Variants in ZNF787 observed in about 807,000 individuals in gnomAD.
The protein encoded by ZNF787 is TTF-I-interacting peptide 20.
A neutral mutation model predicts 16.9 loss-of-function variants in ZNF787; 7 were observed. That is an observed-to-expected ratio of 0.42 (90% CI 0.24 to 0.78). The LOEUF is 0.78. Ranked by LOEUF, ZNF787 falls within the 30% of genes least tolerant of loss-of-function variation. The pLI is 0.30. For missense variants in ZNF787, 551 were observed against 589.3 expected, an observed-to-expected ratio of 0.94 and a Z score of 0.67; for synonymous variants, 345 against 270.9, an observed-to-expected ratio of 1.27 and a Z score of -2.69.
At position 56,089,218 on chromosome 19, in the gene ZNF787, A is replaced by T. The variant is rs368907577; in HGVS notation, c.80-126T>A. ...GCAGGACCTGCCCTGGTGTCCTCAG[A>T]GTGTGCATCACTCCCTGCATTTTAC... is the stretch of plus-strand genomic sequence containing the variant. On this transcript the variant is annotated intron_variant, in intron 2 of 2. Transcript: ENST00000610935. The T allele has an allele frequency of 1.9e-4, 108 of 571,352 alleles. No homozygotes were observed. The East Asian group carries it at 2.6e-3, about 14-fold the overall frequency. The allele number at this position is 571,352 out of a possible 1,614,324, so 35.4% of individuals were successfully genotyped here.
chr19:56,091,972 A>AAACGG (rs1568523485), intron 2 of ZNF787, among the ~76,000 whole-genome samples: 15 of 111,202 alleles, frequency 1.3e-4, no homozygotes, highest in African/African-American at 4.5e-4. Context: ...AACCGAAGCC[A>AAACGG]AAGCCGAAGG....
intron 2 of ZNF787, among the ~76,000 whole-genome samples, chr19:56,099,355 G>C (rs1429062782): frequency 6.6e-6 from 1 of 152,200 alleles, no homozygotes; most frequent in Non-Finnish European, 1.5e-5. Context: ...CAGGGGAGGG[G>C]ACATGGGGAC....
intron 2 of ZNF787, among the ~76,000 whole-genome samples, chr19:56,097,940 G>A (rs941468642): frequency 3.9e-5 from 6 of 152,002 alleles, no homozygotes; most frequent in Non-Finnish European, 8.8e-5. Context: ...TGGGGGAGAA[G>A]AGGCATGGAG....
chr19:56,109,354 T>C (rs994518819), intron 1 of ZNF787, among the ~76,000 whole-genome samples: 3 of 151,922 alleles, frequency 2.0e-5, no homozygotes, highest in Non-Finnish European at 2.9e-5. Context: ...TAGCCTCCCC[T>C]TTCTTCCTGC....
Position 56,088,427 on chromosome 19 carries a change from G to A in ZNF787, c.745C>T (p.Pro249Ser). The change falls in exon 3 of 3, where the codon CCG (proline) becomes TCG (serine). Residue 249 changes from proline to serine, a missense_variant. Around this residue, in one of 4 missense-constraint regions of ZNF787, gnomAD observed 392 missense variants for 312.7 expected, o/e 1.25. Transcript: ENST00000610935. The surrounding 1 kb of genome is among the most constrained non-coding windows in gnomAD (Gnocchi z 8.6). ...GCCGCGGCCGCGGCCCCCTCGCCCG[G>A]CGCGCCCACCACGATGATGCCCTCG... ...DGEGIIVVGA[P>S]GEGAAAAAAM... is the part of the protein sequence containing the mutation. 8.4e-7 allele frequency: 1 copy of A among 1,185,364 alleles called. No individual in the cohort carries two copies. The highest frequency in any genetic ancestry group is 3.2e-5 in the South Asian group (1 of 31,414). 73.4% of individuals were successfully genotyped at this position (1,185,364 alleles called of 1,614,324 possible).
rs780302160 is a variant in ZNF787, at chr19:56,088,917, C to T, written c.255G>A (p.Gln85=). The T allele has an allele frequency of 6.3e-7, 1 of 1,595,276 alleles. No individual in the cohort carries two copies. The highest frequency in any genetic ancestry group is 1.7e-5 in the Admixed American group (1 of 58,364). ...TGGGCCGCTCGCCGGTGTGCGTGCG[C>T]TGGTGCCGCGTCAGCTTGGACCAGT... ...FSHWSKLTRH[Q]RTHTGERPNA... is the part of the protein sequence containing the mutation. Residue 85 remains glutamine (Q), a synonymous_variant, in exon 3 of 3, where the codon CAG becomes CAA. Transcript: ENST00000610935. The surrounding 1 kb of genome is among the most constrained non-coding windows in gnomAD (Gnocchi z 8.6).
At position 56,099,700 on chromosome 19, in the gene ZNF787, G is replaced by C. The variant is rs1385141441; in HGVS notation, c.79+3439C>G. ...CACTCCAGCCTGGGAGACAGAGTGA[G>C]GCTCCGTCTCAAAAAAAAAAAAAAA... On this transcript the variant is annotated intron_variant, in intron 2 of 2. Transcript: ENST00000610935. Among the ~76,000 whole-genome samples, 8 of 113,624 alleles carry C rather than the reference G, an allele frequency of 7.0e-5. No individual in the cohort carries two copies. The Admixed American group carries it at 7.8e-4, about 11-fold the overall frequency. The allele number at this position is 113,624 out of a possible 152,430, so 74.5% of individuals were successfully genotyped here. A position where few individuals can be genotyped will look rare whatever the true frequency, so the allele number is the denominator to read the frequency against.
chr19:56,112,878 T>TTCC, intron 1 of ZNF787, among the ~76,000 whole-genome samples: 1 of 126,468 alleles, frequency 7.9e-6, no homozygotes, highest in Admixed American at 7.9e-5. Flanking sequence ...GACCAGCCGT[T>TTCC]CCCCCCACCC....
intron 1 of ZNF787, among the ~76,000 whole-genome samples, chr19:56,116,055 G>A (rs1022534866): frequency 4.6e-5 from 7 of 152,068 alleles, no homozygotes; most frequent in Admixed American, 6.5e-5. Flanking sequence ...TTGACAGTGC[G>A]GGGGCTGTGT....
intron 1 of ZNF787, among the ~76,000 whole-genome samples, chr19:56,119,829 T>C (rs2030235275): frequency 6.6e-6 from 1 of 152,220 alleles, no homozygotes; most frequent in African/African-American, 2.4e-5. Flanking sequence ...GGCAGGTGAA[T>C]GTCAGCAGCG....
In ZNF787 at chr19:56,092,693, A is replaced by ATCC. The variant is rs372351134; in HGVS notation, c.80-3604_80-3602dup. ...ACATAGGGGATGACAGAACTGGAAT[A>ATCC]TCCCACAGACGCAGGGGATGGCGGG... On this transcript the variant is annotated intron_variant, in intron 2 of 2. Transcript: ENST00000610935. Among the ~76,000 whole-genome samples the ATCC allele has an allele frequency of 9.6e-4, 146 of 152,338 alleles. 1 individual carries two copies. Among genetic ancestry groups the ATCC allele is most frequent in the African/African-American group, 3.4e-3 (141 of 41,570 alleles).
rs1985440358 is a variant in ZNF787 at position 56,088,539 on chromosome 19, C to G, written c.633G>C (p.Lys211Asn). ...PELSGPGVAA[K>N]VLAASVRRAK... Reference sequence around the variant, plus strand: ...CCCGCCGGACGCTAGCCGCCAGCACCTTGGCCGCCACGCCAGGCCCCGACA... The same window carrying G: ...CCCGCCGGACGCTAGCCGCCAGCACGTTGGCCGCCACGCCAGGCCCCGACA... Residue 211 changes from lysine to asparagine, a missense_variant, in exon 3 of 3, where the codon AAG (lysine) becomes AAC (asparagine). Coordinates refer to ENST00000610935, the MANE Select transcript of ZNF787 (RefSeq NM_001002836.4). The surrounding 1 kb of genome is among the most constrained non-coding windows in gnomAD (Gnocchi z 8.6). The G allele has an allele frequency of 4.8e-6, 7 of 1,457,068 alleles. No individual in the cohort carries two copies. Among genetic ancestry groups the G allele is most frequent in the Non-Finnish European group, 6.3e-6 (7 of 1,114,028 alleles). 90.3% of individuals were successfully genotyped at this position (1,457,068 alleles called of 1,614,324 possible).
At chr19:56,090,945 A>C (rs899675662) in intron 2 of ZNF787, among the ~76,000 whole-genome samples, 5 of 152,230 alleles carry the variant, frequency 3.3e-5, no homozygotes, top group African/African-American at 4.8e-5. Context: ...CAGTGTGAGA[A>C]TCACTATTCC....
chr19:56,094,699 A>G (rs557892833), intron 2 of ZNF787, among the ~76,000 whole-genome samples: 3 of 152,152 alleles, frequency 2.0e-5, no homozygotes, highest in Non-Finnish European at 1.5e-5. Context: ...GCGGCCCCCA[A>G]CCTTTTTGGC....
At position 56,111,131 on chromosome 19, in the gene ZNF787, CAG is replaced by C. The variant is rs772445668; in HGVS notation, c.-10-7906_-10-7905del. Among the ~76,000 whole-genome samples the C allele has an allele frequency of 5.9e-5, 9 of 152,326 alleles. No homozygotes were observed. In the South Asian group the frequency reaches 6.2e-4, roughly 11 times the overall value. On this transcript the variant is annotated intron_variant, in intron 1 of 2. Coordinates refer to ENST00000610935, the MANE Select transcript of ZNF787 (RefSeq NM_001002836.4). ...AAAATGTTTACTATGTGGCCCACTGCAGAGAGTCTGCTGACCCTGATGTAAAT... is the reference window on the plus strand; with the variant it reads ...AAAATGTTTACTATGTGGCCCACTGCAGAGTCTGCTGACCCTGATGTAAAT...
intron 1 of ZNF787, among the ~76,000 whole-genome samples, chr19:56,110,512 G>A (rs2029950297): frequency 1.5e-5 from 1 of 66,152 alleles, no homozygotes; most frequent in Non-Finnish European, 3.5e-5. Flanking sequence ...AGCACTGTAG[G>A]AAAGGTTAAA....
At chr19:56,110,792 C>T (rs2029957435) in intron 1 of ZNF787, among the ~76,000 whole-genome samples, 1 of 152,218 alleles carries the variant, frequency 6.6e-6, no homozygotes, top group Non-Finnish European at 1.5e-5. Context: ...AGAGTCCACC[C>T]TCCACACCCC....
At chr19:56,101,313 C>T (rs1273976928) in intron 2 of ZNF787, among the ~76,000 whole-genome samples, 1 of 152,262 alleles carries the variant, frequency 6.6e-6, no homozygotes, top group South Asian at 2.1e-4. Flanking sequence ...CTTTGACAGC[C>T]GAGCAAGGGC....
At chr19:56,113,422 T>C (rs2030039795) in intron 1 of ZNF787, among the ~76,000 whole-genome samples, 1 of 152,168 alleles carries the variant, frequency 6.6e-6, no homozygotes, top group South Asian at 2.1e-4. Flanking sequence ...TGCACACGAA[T>C]GTTCACAGAA....
Sources: gnomAD v4.1 joint callset for allele counts (sites outside exome capture counted in the v4.1 genomes callset) on GRCh38, gnomAD v4.1.1 for gene constraint, gnomAD v4.1.1 regional missense constraint, Gnocchi (gnomAD v3.1) non-coding constraint, MANE v1.5 for transcripts, NCBI Gene and HGNC (gene_info 2026-07-23, HGNC 2026-07-21) for gene names.